The following KCNMA1 variants were observed in gnomAD, a reference collection of about 807,000 sequenced individuals.
The protein encoded by KCNMA1 is potassium calcium-activated channel subfamily M alpha 1.
A neutral mutation model predicts 140.0 loss-of-function variants in KCNMA1; 29 were observed. The ratio of observed to expected loss-of-function variants is 0.21; its 90% confidence interval spans 0.15 to 0.28. The LOEUF (loss-of-function observed/expected upper bound fraction) is 0.28, where lower values mean the gene tolerates loss of function less well. Among genes scored for constraint, KCNMA1 ranks in the 10% least tolerant of loss-of-function variants. The probability of loss-of-function intolerance (pLI) is 1.00; values close to 1 mark genes in which losing one functional copy is unlikely to be tolerated. For missense variants in KCNMA1, 880 were observed against 1,602.2 expected (o/e 0.55, Z 7.70); for synonymous variants, 612 against 611.9 (o/e 1.00, Z 0.00).
Position 76,924,641 on chromosome 10 carries a change from C to A in KCNMA1, c.2903-9592G>T, listed in dbSNP as rs574371202. ...GGTCTGACAGGTCTTTGAACATCCA[C>A]TTGATTTGGCAGTTAAGGAGACTGA... On this transcript the variant is annotated intron_variant, in intron 23 of 27. Coordinates refer to ENST00000286628, the MANE Select transcript of KCNMA1 (RefSeq NM_001161352.2). Among the ~76,000 whole-genome samples, 9 of 152,246 alleles carry A rather than the reference C, an allele frequency of 5.9e-5. 1 individual carries two copies. In the Middle Eastern group the frequency reaches 0.014, roughly 230 times the overall value.
chr10:77,315,461 G>A (rs1420619901), intron 2 of KCNMA1: 1 of 152,198 alleles, frequency 6.6e-6, no homozygotes, highest in African/African-American at 2.4e-5. Context: ...CTTAGGATTA[G>A]AAAGCAAAAG....
chr10:77,574,798 T>G (rs1344142621), intron 1 of KCNMA1, among the ~76,000 whole-genome samples: 1 of 152,252 alleles, frequency 6.6e-6, no homozygotes, highest in African/African-American at 2.4e-5. Context: ...CCCAACACAC[T>G]GTAAGTGCCA....
chr10:77,505,727 G>A (rs1001463319), intron 1 of KCNMA1, among the ~76,000 whole-genome samples: 1 of 152,228 alleles, frequency 6.6e-6, no homozygotes, highest in Admixed American at 6.5e-5. Context: ...AGATCTTTGA[G>A]CACCAAGAAG....
chr10:77,529,501 G>T (rs1469364909), intron 1 of KCNMA1, among the ~76,000 whole-genome samples: 1 of 152,108 alleles, frequency 6.6e-6, no homozygotes. Context: ...ATGCTAGACA[G>T]AGCTCCCCAC....
chr10:77,417,960 C>T (rs943439950), intron 1 of KCNMA1, among the ~76,000 whole-genome samples: 8 of 152,162 alleles, frequency 5.3e-5, no homozygotes, highest in Non-Finnish European at 1.0e-4. Context: ...AACCAGGCTC[C>T]CAGAGCTGCC....
intron 1 of KCNMA1, among the ~76,000 whole-genome samples, chr10:77,563,565 C>T (rs1221698599): frequency 6.6e-6 from 1 of 152,106 alleles, no homozygotes; most frequent in Non-Finnish European, 1.5e-5. Flanking sequence ...AACACTGACT[C>T]CTCTACTCCT....
intron 3 of KCNMA1, among the ~76,000 whole-genome samples, chr10:77,237,716 C>A (rs2056012196): frequency 6.6e-6 from 1 of 152,118 alleles, no homozygotes; most frequent in South Asian, 2.1e-4. Context: ...TGTGAGCCAC[C>A]CTGCCCAGCT....
At chr10:77,327,257 A>G (rs1482896065) in intron 2 of KCNMA1, among the ~76,000 whole-genome samples, 5 of 151,628 alleles carry the variant, frequency 3.3e-5, no homozygotes, top group Non-Finnish European at 5.9e-5. Context: ...CATCCCTGTC[A>G]TCAAGAGCTT....
chr10:76,869,688 GA>G, exon 28 of KCNMA1: 1 of 152,722 alleles, frequency 6.5e-6, no homozygotes, highest in South Asian at 2.1e-4. Context: ...CTTTTTACAA[GA>G]CAAGAGAGTT....
intron 19 of KCNMA1, among the ~76,000 whole-genome samples, chr10:76,971,691 C>T (rs1356657032): frequency 6.6e-6 from 1 of 152,162 alleles, no homozygotes; most frequent in Non-Finnish European, 1.5e-5. Flanking sequence ...CTGTATCAGT[C>T]ATTTAGAGCT....
At chr10:77,512,781 T>C (rs1191638932) in intron 1 of KCNMA1, among the ~76,000 whole-genome samples, 1 of 152,202 alleles carries the variant, frequency 6.6e-6, no homozygotes, top group Non-Finnish European at 1.5e-5. Flanking sequence ...CAGAGAGGCC[T>C]GTGATGAAAC....
At chr10:77,170,787 G>C (rs934742387) in intron 5 of KCNMA1, among the ~76,000 whole-genome samples, 1 of 152,152 alleles carries the variant, frequency 6.6e-6, no homozygotes, top group South Asian at 2.1e-4. Context: ...TCAAGCAAAG[G>C]TGCTCATTCT....
At chr10:77,509,628 C>A (rs1176483771) in intron 1 of KCNMA1, among the ~76,000 whole-genome samples, 1 of 152,152 alleles carries the variant, frequency 6.6e-6, no homozygotes, top group East Asian at 1.9e-4. Context: ...ACAAGGGTTC[C>A]AATTTCTCCA....
chr10:76,924,922 G>A (rs547854745), intron 23 of KCNMA1, among the ~76,000 whole-genome samples: 3 of 152,220 alleles, frequency 2.0e-5, no homozygotes, highest in African/African-American at 7.2e-5. Context: ...AACACAGAGG[G>A]AAAGTGGCAC....
chr10:77,204,339 G>A (rs2043385216), intron 3 of KCNMA1, among the ~76,000 whole-genome samples: 1 of 152,126 alleles, frequency 6.6e-6, no homozygotes, highest in Non-Finnish European at 1.5e-5. Flanking sequence ...CACTAGCCAT[G>A]AGAGGTCCAA....
At chr10:77,230,948 C>T (rs2053379831) in intron 3 of KCNMA1, among the ~76,000 whole-genome samples, 1 of 152,168 alleles carries the variant, frequency 6.6e-6, no homozygotes, top group Non-Finnish European at 1.5e-5. Flanking sequence ...CAATCAACAT[C>T]TGATTACTTC....
intron 1 of KCNMA1, chr10:77,588,015 A>C (rs758571012): frequency 2.7e-5 from 7 of 263,834 alleles, no homozygotes; most frequent in Non-Finnish European, 3.5e-5. Context: ...TCATAATCAC[A>C]ACCACATTAG....
intron 19 of KCNMA1, among the ~76,000 whole-genome samples, chr10:76,992,497 C>T (rs537294934): frequency 6.6e-6 from 1 of 152,262 alleles, no homozygotes; most frequent in Admixed American, 6.5e-5. Flanking sequence ...ATGGAGGGTC[C>T]CCTGACTATC....
intron 19 of KCNMA1, among the ~76,000 whole-genome samples, chr10:76,996,625 C>T (rs987151413): frequency 6.6e-6 from 1 of 151,854 alleles, no homozygotes; most frequent in Non-Finnish European, 1.5e-5. Context: ...AGAGAGAGAG[C>T]GCACTCACAT....
Sources: allele counts gnomAD v4.1 joint callset (sites outside exome capture counted in the v4.1 genomes callset), GRCh38; gene constraint gnomAD v4.1.1; transcripts MANE v1.5; gene names NCBI Gene and HGNC (gene_info 2026-07-23, HGNC 2026-07-21).